SV2C: variants seen among roughly 807,000 people sequenced by gnomAD.
SV2C encodes the protein synaptic vesicle glycoprotein 2C.
A neutral mutation model predicts 79.7 loss-of-function variants in SV2C; 49 were observed. That is an observed-to-expected ratio of 0.61 (90% CI 0.49 to 0.78). The LOEUF is 0.78. Among genes scored for constraint, SV2C ranks in the 30% least tolerant of loss-of-function variants. SV2C has a pLI of 0.00. For missense variants in SV2C, 833 were observed against 912.9 expected (o/e 0.91, Z 1.13); for synonymous variants, 334 against 333.2 (o/e 1.00, Z -0.03).
the SV2C span, among the ~76,000 whole-genome samples, chr5:75,867,532 G>A: frequency 6.6e-6 from 1 of 152,216 alleles, no homozygotes; most frequent in Admixed American, 6.5e-5. Flanking sequence ...CTATAGAATT[G>A]TTTTGATTAA....
At chr5:75,996,796 G>T in the SV2C span, among the ~76,000 whole-genome samples, 1 of 150,662 alleles carries the variant, frequency 6.6e-6, no homozygotes, top group African/African-American at 2.4e-5. Flanking sequence ...GTCTGTTATT[G>T]GTGTATAGGA....
At chr5:76,152,464 A>C (rs1315413844) in intron 2 of SV2C, among the ~76,000 whole-genome samples, 1 of 152,236 alleles carries the variant, frequency 6.6e-6, no homozygotes, top group Non-Finnish European at 1.5e-5. Context: ...ATACGTTGGC[A>C]AAATAGGAGA....
the SV2C span, among the ~76,000 whole-genome samples, chr5:75,849,843 A>G: frequency 2.0e-5 from 3 of 152,184 alleles, no homozygotes; most frequent in Admixed American, 6.5e-5. Flanking sequence ...AATAAGAGCA[A>G]ACTCTCAAAC....
intron 4 of SV2C, among the ~76,000 whole-genome samples, chr5:76,284,078 C>T (rs1333339467): frequency 1.3e-5 from 2 of 151,638 alleles, no homozygotes; most frequent in African/African-American, 4.9e-5. Flanking sequence ...TATAAATCTC[C>T]TCTCTGTTTT....
At chr5:76,197,706 G>GCAGATAGATAGATAGATAGATAGA (rs1744308884) in intron 3 of SV2C, among the ~76,000 whole-genome samples, 1 of 3,130 alleles carries the variant, frequency 3.2e-4, no homozygotes, top group Non-Finnish European at 5.3e-4. Flanking sequence ...AGATAGACAG[G>GCAGATAGATAGATAGATAGATAGA]CAGATAGATA....
At chr5:76,257,248 G>A (rs1746299498) in intron 4 of SV2C, among the ~76,000 whole-genome samples, 1 of 126,116 alleles carries the variant, frequency 7.9e-6, no homozygotes, top group Non-Finnish European at 1.6e-5. Flanking sequence ...AGCTCGTGGT[G>A]GGGGGCTGTA....
rs749987470 is a variant in SV2C at position 76,325,402 on chromosome 5, C to T, written c.2039C>T (p.Ala680Val). The T allele has an allele frequency of 6.2e-7, 1 of 1,614,224 alleles. No individual in the cohort carries two copies. The highest frequency in any genetic ancestry group is 1.1e-5 in the South Asian group (1 of 91,082). The change falls in exon 13 of 13, where the codon GCA becomes GTA. Residue 680 changes from alanine (A) to valine (V), a missense_variant. By Grantham distance (64) the Ala-to-Val change is moderately conservative. Coordinates refer to ENST00000502798, the MANE Select transcript of SV2C (RefSeq NM_014979.4). ...GGCTTCTTAAATGCGCTATGCAAGG[C>T]AGCAGCCGTCCTGGGAAACTTAATA... The part of the protein sequence containing the change: ...GFGFLNALCK[A>V]AAVLGNLIFG...
chr5:75,952,596 C>A, the SV2C span, among the ~76,000 whole-genome samples: 1 of 151,716 alleles, frequency 6.6e-6, no homozygotes, highest in Non-Finnish European at 1.5e-5. Context: ...TCAGTTAGTT[C>A]ACACACAATC....
intron 2 of SV2C, chr5:76,174,070 A>G (rs1359082017): frequency 2.5e-6 from 4 of 1,576,744 alleles, no homozygotes; most frequent in Non-Finnish European, 3.5e-6. Context: ...CTCTATAAGA[A>G]TCTTCTATCG....
At chr5:75,934,721 G>T in the SV2C span, among the ~76,000 whole-genome samples, 41 of 152,010 alleles carry the variant, frequency 2.7e-4, no homozygotes, top group Admixed American at 2.7e-3. Context: ...TATTAATTTC[G>T]CTTTTGAGTT....
chr5:76,098,151 T>G (rs1580263861), intron 1 of SV2C, among the ~76,000 whole-genome samples: 1 of 152,130 alleles, frequency 6.6e-6, no homozygotes, highest in East Asian at 1.9e-4. Flanking sequence ...GGTGGTTTCT[T>G]TCTAATACTA....
At chr5:76,297,556 G>T (rs1203231592) in intron 9 of SV2C, among the ~76,000 whole-genome samples, 1 of 152,094 alleles carries the variant, frequency 6.6e-6, no homozygotes, top group Non-Finnish European at 1.5e-5. Context: ...AGAAAAAATT[G>T]ATAACTTTTT....
chr5:76,095,334 C>T (rs563121441), intron 1 of SV2C, among the ~76,000 whole-genome samples: 1 of 152,092 alleles, frequency 6.6e-6, no homozygotes, highest in Admixed American at 6.5e-5. Flanking sequence ...CATTGATATG[C>T]CTCTTATTAA....
chr5:76,241,579 C>T (rs922386405), intron 4 of SV2C, among the ~76,000 whole-genome samples: 1 of 151,960 alleles, frequency 6.6e-6, no homozygotes, highest in African/African-American at 2.4e-5. Flanking sequence ...GTCCAGATTG[C>T]CTAACACACT....
intron 12 of SV2C, among the ~76,000 whole-genome samples, chr5:76,340,178 A>T (rs1749413904): frequency 6.6e-6 from 1 of 152,340 alleles, no homozygotes; most frequent in South Asian, 2.1e-4. Flanking sequence ...TATGGTCTAA[A>T]AGGGGGAGGA....
chr5:75,920,178 G>A, the SV2C span, among the ~76,000 whole-genome samples: 2,840 of 152,270 alleles, frequency 0.019, 44 homozygotes, highest in Admixed American at 0.044. Flanking sequence ...GAGAGTAAAC[G>A]CTGGTGAAGT....
At chr5:76,082,932 G>T (rs1051938711), upstream of SV2C, among the ~76,000 whole-genome samples, 5 of 152,146 alleles carry the variant, frequency 3.3e-5, no homozygotes, top group Non-Finnish European at 7.3e-5. Flanking sequence ...CTTTTTGTCC[G>T]GTGCTAACAG....
intron 12 of SV2C, among the ~76,000 whole-genome samples, chr5:76,306,531 CA>C (rs1230197212): frequency 3.9e-5 from 6 of 152,190 alleles, no homozygotes; most frequent in Admixed American, 1.3e-4. Flanking sequence ...TACCCCTGGA[CA>C]GCAAATCAAA....
At chr5:76,122,232 C>G (rs536244108) in intron 1 of SV2C, among the ~76,000 whole-genome samples, 136 of 151,636 alleles carry the variant, frequency 9.0e-4, no homozygotes, top group African/African-American at 3.0e-3. Context: ...TATCCTGAGA[C>G]TTTGCTGAAG....
Sources: allele counts gnomAD v4.1 joint callset (sites outside exome capture counted in the v4.1 genomes callset), GRCh38; gene constraint gnomAD v4.1.1; transcripts MANE v1.5; gene names NCBI Gene and HGNC (gene_info 2026-07-23, HGNC 2026-07-21).